The following ADAM12 variants were observed in gnomAD, a reference collection of about 807,000 sequenced individuals.
ADAM12 encodes the protein ADAM metallopeptidase domain 12.
Under a neutral mutation model 106.4 loss-of-function variants are expected in ADAM12, and 70 were observed. That is an observed-to-expected ratio of 0.66 (90% CI 0.54 to 0.80). ADAM12 has a LOEUF of 0.80. Ranked by LOEUF, ADAM12 falls within the 30% of genes least tolerant of loss-of-function variation. The probability of loss-of-function intolerance (pLI) is 0.00; values close to 1 mark genes in which losing one functional copy is unlikely to be tolerated. For missense variants in ADAM12, 1,010 were observed against 1,171.9 expected (o/e 0.86, Z 2.02); for synonymous variants, 420 against 433.5 (o/e 0.97, Z 0.39).
At chr10:126,265,429 G>A (rs1959079315) in intron 3 of ADAM12, among the ~76,000 whole-genome samples, 1 of 152,198 alleles carries the variant, frequency 6.6e-6, no homozygotes. Flanking sequence ...TGAACCTGGT[G>A]GGTGAAGTCT....
intron 3 of ADAM12, among the ~76,000 whole-genome samples, chr10:126,218,049 G>A (rs777708632): frequency 3.3e-5 from 5 of 151,618 alleles, no homozygotes; most frequent in Non-Finnish European, 5.9e-5. Context: ...GAAGTATAAC[G>A]TAAATAAGGA....
intron 5 of ADAM12, among the ~76,000 whole-genome samples, chr10:126,126,128 C>A (rs1218689011): frequency 6.6e-6 from 1 of 152,154 alleles, no homozygotes; most frequent in Non-Finnish European, 1.5e-5. Context: ...CACAGCCATA[C>A]AGCCAATCAG....
intron 1 of ADAM12, among the ~76,000 whole-genome samples, chr10:126,353,289 A>C (rs1855424974): frequency 1.3e-5 from 2 of 152,236 alleles, no homozygotes; most frequent in South Asian, 4.1e-4. Context: ...TTGGAATCAA[A>C]GGTCACATGC....
At position 126,321,908 on chromosome 10, in the gene ADAM12, G is replaced by A. The variant is rs573234797; in HGVS notation, c.186+8504C>T. On this transcript the variant is annotated intron_variant, in intron 2 of 22. Transcript: ENST00000448723. Reference sequence around the variant, plus strand: ...GCTTAACTTTCTACCTGGGGGTCGGGGGGGGGGCTTCAGCAACCTCATGTG... The same window carrying A: ...GCTTAACTTTCTACCTGGGGGTCGGAGGGGGGGCTTCAGCAACCTCATGTG... 6.3e-5 allele frequency among the ~76,000 whole-genome samples: 9 copies of A among 143,644 alleles called. No individual in the cohort carries two copies. The East Asian group carries it at 8.9e-4, about 14-fold the overall frequency. The allele number at this position is 143,644 out of a possible 152,430, so 94.2% of individuals were successfully genotyped here.
In ADAM12 at chr10:126,118,030, C is replaced by T; in HGVS notation, c.603+8G>A. On this transcript the variant is annotated splice_region_variant and intron_variant, in intron 6 of 22. Coordinates refer to ENST00000448723, the MANE Select transcript of ADAM12 (RefSeq NM_001288973.2). ...TTCCAGAAACACAAAATCAGGTATCCCCCTTACCCTTCTTGCCCATGTCTG... is the reference window on the plus strand; with the variant it reads ...TTCCAGAAACACAAAATCAGGTATCTCCCTTACCCTTCTTGCCCATGTCTG... The T allele has an allele frequency of 1.9e-6, 3 of 1,612,986 alleles. No individual in the cohort carries two copies. The highest frequency in any genetic ancestry group is 1.1e-5 in the South Asian group (1 of 90,864).
chr10:126,140,735 G>A (rs17154306), intron 4 of ADAM12, among the ~76,000 whole-genome samples: 32,487 of 152,224 alleles, frequency 0.21, 3,655 homozygotes, highest in South Asian at 0.3. Context: ...GTCTCATTAA[G>A]TGTTTAAACA....
At chr10:126,341,743 T>A (rs950081857) in intron 1 of ADAM12, among the ~76,000 whole-genome samples, 1 of 152,206 alleles carries the variant, frequency 6.6e-6, no homozygotes, top group South Asian at 2.1e-4. Context: ...CCATGCCTGC[T>A]TCATTAGCTG....
chr10:126,312,229 G>A (rs368420322), intron 2 of ADAM12, among the ~76,000 whole-genome samples: 36 of 151,732 alleles, frequency 2.4e-4, no homozygotes, highest in South Asian at 1.7e-3. Flanking sequence ...GCAATGAGAC[G>A]ACGTCAGAGA....
chr10:126,196,021 G>A (rs1957591710), intron 3 of ADAM12, among the ~76,000 whole-genome samples: 1 of 152,208 alleles, frequency 6.6e-6, no homozygotes, highest in African/African-American at 2.4e-5. Flanking sequence ...TTATAGGAAT[G>A]CAGCTACTTA....
intron 7 of ADAM12, 90 bp from the exon 8 acceptor site, chr10:126,108,754 T>A (rs776244172): frequency 3.4e-5 from 42 of 1,230,782 alleles, no homozygotes; most frequent in Non-Finnish European, 4.6e-5. Context: ...AGTCTTGGGA[T>A]TTTACAAACC....
At chr10:126,101,344 A>G in intron 8 of ADAM12, 103 bp from the exon 9 acceptor site, 2 of 1,162,566 alleles carry the variant, frequency 1.7e-6, no homozygotes, top group Non-Finnish European at 2.5e-6. Context: ...TCACTGACAC[A>G]GGTGAGAAAA....
In ADAM12 at chr10:126,064,655, G is replaced by A; in HGVS notation, c.1609+151C>T. 1 of 816,680 alleles carries A rather than the reference G, an allele frequency of 1.2e-6. No homozygotes were observed. Among genetic ancestry groups the A allele is most frequent in the Non-Finnish European group, 1.9e-6 (1 of 530,230 alleles). The allele number at this position is 816,680 out of a possible 1,614,324, so 50.6% of individuals were successfully genotyped here. ...CAGTGCGGCCTCAGACCCTCCCTGG[G>A]AGTCAATCACTCCCGACTGAACACA... On this transcript the variant is annotated intron_variant, in intron 14 of 22. Coordinates refer to ENST00000448723, the MANE Select transcript of ADAM12 (RefSeq NM_001288973.2). This position sits in a 1 kb window ranked among gnomAD's most constrained non-coding sequence, Gnocchi z 4.4.
intron 4 of ADAM12, among the ~76,000 whole-genome samples, chr10:126,138,115 C>T (rs1956439765): frequency 6.6e-6 from 1 of 152,152 alleles, no homozygotes; most frequent in Non-Finnish European, 1.5e-5. Flanking sequence ...AGTGGTATTT[C>T]AATGTGGTTT....
At chr10:126,184,222 C>T (rs1043153786) in intron 3 of ADAM12, among the ~76,000 whole-genome samples, 5 of 152,164 alleles carry the variant, frequency 3.3e-5, no homozygotes, top group African/African-American at 9.7e-5. Flanking sequence ...ATTGAAATAC[C>T]AGATAAAAGT....
chr10:126,336,961 G>C (rs1854724170), intron 1 of ADAM12, among the ~76,000 whole-genome samples: 1 of 152,186 alleles, frequency 6.6e-6, no homozygotes, highest in South Asian at 2.1e-4. Context: ...CTGGGCTATG[G>C]AACAACATCC....
At chr10:126,323,560 A>G (rs552088000) in intron 2 of ADAM12, among the ~76,000 whole-genome samples, 8 of 152,074 alleles carry the variant, frequency 5.3e-5, no homozygotes, top group Non-Finnish European at 1.0e-4. Context: ...ATAAAGTCTC[A>G]GAGTCAGTCA....
At chr10:126,286,272 G>A (rs1016748095) in intron 2 of ADAM12, among the ~76,000 whole-genome samples, 5 of 152,038 alleles carry the variant, frequency 3.3e-5, no homozygotes, top group African/African-American at 7.2e-5. Context: ...GCAGTGGAAC[G>A]GCAGCAGGTC....
chr10:126,313,148 A>G (rs1961187947), intron 2 of ADAM12, among the ~76,000 whole-genome samples: 1 of 152,190 alleles, frequency 6.6e-6, no homozygotes, highest in African/African-American at 2.4e-5. Flanking sequence ...GACCCACTGC[A>G]AGATGGCACC....
At position 126,089,760 on chromosome 10, in the gene ADAM12, C is replaced by T. The variant is rs368669872; in HGVS notation, c.1145+4225G>A. Among the ~76,000 whole-genome samples the T allele has an allele frequency of 4.6e-5, 7 of 152,106 alleles. No individual in the cohort carries two copies. The South Asian group carries it at 6.2e-4, about 14-fold the overall frequency. ...TCCTGGCAGCAAGGTGTCCCCACAG[C>T]GCCCACAGGCCCATGGTCCCCTGCA... On this transcript the variant is annotated intron_variant, in intron 11 of 22. Transcript: ENST00000448723.
Sources: gnomAD v4.1 joint callset for allele counts (sites outside exome capture counted in the v4.1 genomes callset) on GRCh38, gnomAD v4.1.1 for gene constraint, Gnocchi (gnomAD v3.1) non-coding constraint, MANE v1.5 for transcripts, NCBI Gene and HGNC (gene_info 2026-07-23, HGNC 2026-07-21) for gene names.